Variants in FNDC3A observed in about 807,000 individuals in gnomAD.
FNDC3A encodes fibronectin type III domain containing 3A.
In FNDC3A, 32 loss-of-function variants were observed where a neutral mutation model predicts 148.9. That is an observed-to-expected ratio of 0.21 (90% CI 0.16 to 0.29). The LOEUF (loss-of-function observed/expected upper bound fraction) is 0.29, where lower values mean the gene tolerates loss of function less well. Ranked by LOEUF, FNDC3A falls within the 10% of genes least tolerant of loss-of-function variation. The pLI is 1.00. For synonymous variants in FNDC3A, 472 were observed against 473.6 expected (o/e 1.00, Z 0.04); for missense variants, 1,191 against 1,452.8 (o/e 0.82, Z 2.93).
intron 4 of FNDC3A, among the ~76,000 whole-genome samples, chr13:49,118,228 C>A (rs530185294): frequency 6.4e-4 from 97 of 152,270 alleles, no homozygotes; most frequent in African/African-American, 2.0e-3. Flanking sequence ...GGTGGGGCAT[C>A]GCCTCACCCA....
At chr13:49,161,572 G>A (rs1174144515) in intron 8 of FNDC3A, among the ~76,000 whole-genome samples, 1 of 152,264 alleles carries the variant, frequency 6.6e-6, no homozygotes, top group East Asian at 1.9e-4. Context: ...TTGCCAGTCT[G>A]TGTTTTTTAA....
At chr13:49,047,452 G>A (rs1875504642) in intron 2 of FNDC3A, among the ~76,000 whole-genome samples, 2 of 151,924 alleles carry the variant, frequency 1.3e-5, no homozygotes, top group African/African-American at 4.8e-5. Flanking sequence ...CAGTGTAAAA[G>A]CATCTATTAT....
intron 2 of FNDC3A, among the ~76,000 whole-genome samples, chr13:49,018,247 C>T (rs190269610): frequency 1.4e-3 from 213 of 152,266 alleles, no homozygotes; most frequent in African/African-American, 4.9e-3. Context: ...ACCAATCAGA[C>T]GTAGATTTGG....
intron 3 of FNDC3A, among the ~76,000 whole-genome samples, chr13:49,094,615 T>C (rs930512935): frequency 5.9e-5 from 9 of 152,118 alleles, no homozygotes; most frequent in African/African-American, 1.9e-4. Flanking sequence ...CAACATAGAC[T>C]GTATCCCTGA....
intron 1 of FNDC3A, among the ~76,000 whole-genome samples, chr13:48,986,861 G>T (rs1193145435): frequency 2.0e-5 from 3 of 152,092 alleles, no homozygotes; most frequent in Non-Finnish European, 4.4e-5. Flanking sequence ...AGGAAATAAA[G>T]AAATGTTACT....
At chr13:49,035,118 T>G (rs1874400437) in intron 2 of FNDC3A, among the ~76,000 whole-genome samples, 1 of 152,054 alleles carries the variant, frequency 6.6e-6, no homozygotes. Flanking sequence ...ACATTTTAAG[T>G]CTGACTTTTT....
intron 8 of FNDC3A, among the ~76,000 whole-genome samples, chr13:49,152,590 C>T (rs1883376017): frequency 6.6e-6 from 1 of 151,926 alleles, no homozygotes; most frequent in Admixed American, 6.6e-5. Context: ...ATACATGTGC[C>T]ATGCTGGTGC....
intron 1 of FNDC3A, among the ~76,000 whole-genome samples, chr13:48,999,017 C>T (rs1248637443): frequency 1.3e-5 from 2 of 152,230 alleles, no homozygotes; most frequent in Non-Finnish European, 2.9e-5. Flanking sequence ...ACGCCCACTA[C>T]AGATCCAAAG....
intron 2 of FNDC3A, among the ~76,000 whole-genome samples, chr13:49,035,475 GTTAAA>G (rs1181667461): frequency 6.6e-6 from 1 of 151,982 alleles, no homozygotes; most frequent in Non-Finnish European, 1.5e-5. Flanking sequence ...ACAGTTTACA[GTTAAA>G]TTAAAAGCTG....
chr13:49,037,410 C>T (rs558128224), intron 2 of FNDC3A, among the ~76,000 whole-genome samples: 1 of 152,128 alleles, frequency 6.6e-6, no homozygotes, highest in Non-Finnish European at 1.5e-5. Flanking sequence ...TTCAAGGATA[C>T]AAGGCACAGA....
At chr13:49,167,516 G>C (rs114053964) in intron 9 of FNDC3A, among the ~76,000 whole-genome samples, 3,011 of 152,298 alleles carry the variant, frequency 0.02, 110 homozygotes, top group African/African-American at 0.068. Flanking sequence ...ACCAGTCTGA[G>C]TGACATAGTG....
At chr13:49,041,743 G>A (rs541710960) in intron 2 of FNDC3A, among the ~76,000 whole-genome samples, 3 of 151,384 alleles carry the variant, frequency 2.0e-5, no homozygotes, top group Non-Finnish European at 2.9e-5. Flanking sequence ...CCCAGGATGC[G>A]GAGGTTGCAA....
intron 14 of FNDC3A, 44 bp from the exon 15 acceptor site, chr13:49,185,920 A>G: frequency 1.4e-6 from 2 of 1,464,640 alleles, no homozygotes; most frequent in Non-Finnish European, 9.5e-7. Context: ...CAGTATCATT[A>G]GGTATCAAGT....
At chr13:49,128,745 A>G (rs1431498016) in intron 4 of FNDC3A, among the ~76,000 whole-genome samples, 1 of 152,070 alleles carries the variant, frequency 6.6e-6, no homozygotes, top group Non-Finnish European at 1.5e-5. Context: ...TTGCTCCTTT[A>G]TACTCATGCA....
rs748473685 is a variant in FNDC3A, at chr13:49,209,017, T to A, written c.*1622T>A. The A allele has an allele frequency of 6.6e-5, 10 of 152,534 alleles. No individual in the cohort carries two copies. The highest frequency in any genetic ancestry group is 1.5e-4 in the Non-Finnish European group (10 of 68,032). The allele number at this position is 152,534 out of a possible 1,614,324, so 9.4% of individuals were successfully genotyped here. On this transcript the variant is annotated 3_prime_UTR_variant, in exon 26 of 26. Coordinates refer to ENST00000492622, the MANE Select transcript of FNDC3A (RefSeq NM_001079673.2). ...AAAAGAAATGGATAAACTTGGCCTT[T>A]CTAAGTGGTAAGAATGACCTGTCAC...
intron 2 of FNDC3A, among the ~76,000 whole-genome samples, chr13:49,060,835 A>G (rs1003395133): frequency 6.6e-6 from 1 of 152,066 alleles, no homozygotes; most frequent in African/African-American, 2.4e-5. Flanking sequence ...AGGGGCTCGG[A>G]ATAGGGTAGA....
chr13:49,100,333 C>G (rs1451806006), intron 3 of FNDC3A, among the ~76,000 whole-genome samples: 1 of 151,934 alleles, frequency 6.6e-6, no homozygotes, highest in Non-Finnish European at 1.5e-5. Context: ...CAGAAGTGTT[C>G]TTGATTGGAT....
intron 2 of FNDC3A, among the ~76,000 whole-genome samples, chr13:49,072,839 T>C (rs1877792605): frequency 7.6e-6 from 1 of 131,118 alleles, no homozygotes; most frequent in African/African-American, 2.6e-5. Flanking sequence ...CTAAATTTGT[T>C]TGTCAGTTCT....
At chr13:49,129,852 C>G (rs1881924718) in intron 4 of FNDC3A, among the ~76,000 whole-genome samples, 1 of 151,940 alleles carries the variant, frequency 6.6e-6, no homozygotes, top group South Asian at 2.1e-4. Context: ...TTATCTATAC[C>G]CAGATAAGTG....
Sources: gnomAD v4.1 joint callset for allele counts (sites outside exome capture counted in the v4.1 genomes callset) on GRCh38, gnomAD v4.1.1 for gene constraint, MANE v1.5 for transcripts, NCBI Gene and HGNC (gene_info 2026-07-23, HGNC 2026-07-21) for gene names.